The following CNNM2 variants were observed in gnomAD, a reference collection of about 807,000 sequenced individuals.
The protein encoded by CNNM2 is cyclin and CBS domain divalent metal cation transport mediator 2.
Under a neutral mutation model 66.9 loss-of-function variants are expected in CNNM2, and 12 were observed. The ratio of observed to expected loss-of-function variants is 0.18; its 90% CI spans 0.11 to 0.29. The LOEUF is 0.29. Ranked by LOEUF, CNNM2 falls within the 10% of genes least tolerant of loss-of-function variation. CNNM2 has a pLI of 1.00. For missense variants in CNNM2, 705 were observed against 1,167.7 expected, an observed-to-expected ratio of 0.60 and a Z score of 5.77; for synonymous variants, 557 against 501.8, an observed-to-expected ratio of 1.11 and a Z score of -1.47.
intron 1 of CNNM2, among the ~76,000 whole-genome samples, chr10:103,011,582 A>G (rs1394254772): frequency 6.6e-6 from 1 of 152,116 alleles, no homozygotes; most frequent in Non-Finnish European, 1.5e-5. Context: ...GAAGTGAGAA[A>G]AGAAAATGCA....
At chr10:103,068,882 C>T (rs1355956218) in intron 5 of CNNM2, among the ~76,000 whole-genome samples, 160 bp downstream of exon 5, 2 of 152,124 alleles carry the variant, frequency 1.3e-5, no homozygotes, top group East Asian at 3.8e-4. Flanking sequence ...CTGCACAAAT[C>T]CTAAGTATAT....
intron 1 of CNNM2, among the ~76,000 whole-genome samples, chr10:102,953,412 A>G (rs1846914294): frequency 6.6e-6 from 1 of 151,874 alleles, no homozygotes; most frequent in South Asian, 2.1e-4. Flanking sequence ...GCCCGCCACT[A>G]CACCTGGCTA....
chr10:103,015,666 GA>G (rs1564846018), intron 1 of CNNM2, among the ~76,000 whole-genome samples: 1 of 151,954 alleles, frequency 6.6e-6, no homozygotes, highest in Non-Finnish European at 1.5e-5. Context: ...CCAGCCTGGC[GA>G]ATGTGGTGAA....
At chr10:102,986,469 C>G (rs1223037977) in intron 1 of CNNM2, among the ~76,000 whole-genome samples, 3 of 152,064 alleles carry the variant, frequency 2.0e-5, no homozygotes, top group Non-Finnish European at 4.4e-5. Flanking sequence ...AGTAGAATTT[C>G]CAAAAAGTAG....
intron 5 of CNNM2, among the ~76,000 whole-genome samples, chr10:103,071,372 C>T (rs1257980249): frequency 6.6e-6 from 1 of 152,198 alleles, no homozygotes; most frequent in Non-Finnish European, 1.5e-5. Context: ...GTAGGCTGTG[C>T]AGTGAGTGAG....
chr10:103,085,348 A>ACTCT lies in CNNM2; in HGVS notation c.*8172_*8175dup, dbSNP rs1417384229. The ACTCT allele has an allele frequency of 1.3e-5, 2 of 152,282 alleles. No homozygotes were observed. The highest frequency in any genetic ancestry group is 4.8e-5 in the African/African-American group (2 of 41,550). The allele number at this position is 152,282 out of a possible 1,614,324, so 9.4% of individuals were successfully genotyped here. ...AGTCAAAGATAACTCTGGTGAGAAC[A>ACTCT]CTCTCTCAAAGACTGGACACTGAGT... On this transcript the variant is annotated 3_prime_UTR_variant, in exon 8 of 8. Transcript: ENST00000369878.
chr10:103,063,463 G>T (rs534994606), intron 4 of CNNM2, among the ~76,000 whole-genome samples: 2 of 152,346 alleles, frequency 1.3e-5, no homozygotes, highest in South Asian at 2.1e-4. Flanking sequence ...GCCTTGAGCC[G>T]CATGCACTGA....
At chr10:103,057,873 C>G (rs890347292) in intron 4 of CNNM2, among the ~76,000 whole-genome samples, 1 of 152,228 alleles carries the variant, frequency 6.6e-6, no homozygotes, top group Non-Finnish European at 1.5e-5. Context: ...TCAATTCATT[C>G]TAAACTTCCT....
In CNNM2 at chr10:103,046,897, A is replaced by T. The variant is rs7094843; in HGVS notation, c.1622-2810A>T. On this transcript the variant is annotated intron_variant, in intron 1 of 7. Coordinates refer to ENST00000369878, the MANE Select transcript of CNNM2 (RefSeq NM_017649.5). ...ATCAAAACTCCATACATAGTAATTT[A>T]TTAAAGGTTAGTTGTAATGTAGAAT... is the stretch of plus-strand genomic sequence containing the variant. Among the ~76,000 whole-genome samples, 1,120 of 152,110 alleles carry T rather than the reference A, an allele frequency of 7.4e-3. 5 individuals are homozygous for T. Among genetic ancestry groups the T allele is most frequent in the Non-Finnish European group, 0.011 (731 of 67,988 alleles).
chr10:102,921,788 G>T (rs1332523513), intron 1 of CNNM2, among the ~76,000 whole-genome samples: 1 of 152,056 alleles, frequency 6.6e-6, no homozygotes, highest in Non-Finnish European at 1.5e-5. Context: ...TTATTACTTA[G>T]AATTTTGCAC....
At chr10:102,925,296 C>CAAAAAAAAAAAAAAAA (rs10624810) in intron 1 of CNNM2, among the ~76,000 whole-genome samples, 3 of 17,762 alleles carry the variant, frequency 1.7e-4, no homozygotes, top group East Asian at 1.8e-3. Context: ...AACTCCATCT[C>CAAAAAAAAAAAAAAAA]AAAAAAAAAA....
chr10:103,051,530 C>T (rs1287252760), intron 2 of CNNM2, among the ~76,000 whole-genome samples: 5 of 151,440 alleles, frequency 3.3e-5, no homozygotes, highest in East Asian at 2.0e-4. Context: ...CACTTGAGTT[C>T]GGGAGTTAGA....
intron 1 of CNNM2, among the ~76,000 whole-genome samples, chr10:102,952,842 A>G (rs1461564849): frequency 6.6e-6 from 1 of 152,166 alleles, no homozygotes; most frequent in East Asian, 1.9e-4. Flanking sequence ...GTTCTGCTTC[A>G]GTACTTGAAT....
At chr10:102,988,106 C>T (rs180892553) in intron 1 of CNNM2, among the ~76,000 whole-genome samples, 1 of 152,060 alleles carries the variant, frequency 6.6e-6, no homozygotes, top group Non-Finnish European at 1.5e-5. Context: ...TGAGACCAGC[C>T]TCGGTAACCT....
chr10:103,058,936 A>G (rs1414083674), intron 4 of CNNM2, among the ~76,000 whole-genome samples: 1 of 152,192 alleles, frequency 6.6e-6, no homozygotes, highest in Non-Finnish European at 1.5e-5. Context: ...TTTAGGGAGC[A>G]TGATCCACTG....
chr10:103,002,390 A>G (rs192664049), intron 1 of CNNM2, among the ~76,000 whole-genome samples: 1 of 152,240 alleles, frequency 6.6e-6, no homozygotes, highest in Admixed American at 6.5e-5. Flanking sequence ...TCAAAACTAC[A>G]AGACAGCACT....
intron 1 of CNNM2, among the ~76,000 whole-genome samples, chr10:102,996,193 A>T (rs940893096): frequency 6.6e-6 from 1 of 150,586 alleles, no homozygotes; most frequent in Non-Finnish European, 1.5e-5. Context: ...GAGGTTTATC[A>T]ATTTTATTGA....
At position 103,049,816 on chromosome 10, in the gene CNNM2, C is replaced by T. The variant is rs752861468; in HGVS notation, c.1731C>T (p.Ile577=). ...TAGAAGATGTGATTGAAGAAATCAT[C>T]AAATCTGAGATTCTTGATGAAACAG... is the stretch of plus-strand genomic sequence containing the variant. ...VTLEDVIEEI[I]KSEILDETDL... Residue 577 remains isoleucine, a synonymous_variant, in exon 2 of 8, where the codon ATC becomes ATT. Coordinates refer to ENST00000369878, the MANE Select transcript of CNNM2 (RefSeq NM_017649.5). 1 of 1,613,828 alleles carries T rather than the reference C, an allele frequency of 6.2e-7. No individual in the cohort carries two copies. Among genetic ancestry groups the T allele is most frequent in the East Asian group, 2.2e-5 (1 of 44,884 alleles).
At chr10:102,957,827 T>C (rs1348923924) in intron 1 of CNNM2, among the ~76,000 whole-genome samples, 1 of 152,226 alleles carries the variant, frequency 6.6e-6, no homozygotes, top group Non-Finnish European at 1.5e-5. Context: ...GCATTACTTG[T>C]TTGCTTCTCT....
Sources: gnomAD v4.1 joint callset for allele counts (sites outside exome capture counted in the v4.1 genomes callset) on GRCh38, gnomAD v4.1.1 for gene constraint, MANE v1.5 for transcripts, NCBI Gene and HGNC (gene_info 2026-07-23, HGNC 2026-07-21) for gene names.